Variants in RAB40B observed in about 807,000 individuals in gnomAD.
RAB40B encodes the protein RAB40B, member RAS oncogene family, also known as ras-related protein Rab-40B.
A neutral mutation model predicts 24.0 loss-of-function variants in RAB40B; 21 were observed. The ratio of observed to expected loss-of-function variants is 0.88; its 90% CI spans 0.62 to 1.26. The LOEUF (loss-of-function observed/expected upper bound fraction) is 1.26, where lower values mean the gene tolerates loss of function less well. Among genes scored for constraint, RAB40B ranks in the 50% most tolerant of loss-of-function variants. RAB40B has a pLI of 0.00. For missense variants in RAB40B, 348 were observed against 390.5 expected (o/e 0.89, Z 0.92); for synonymous variants, 167 against 169.8 (o/e 0.98, Z 0.13).
chr17:82,659,458 T>C (rs2046133062), intron 4 of RAB40B, 122 bp downstream of exon 4: 3 of 885,776 alleles, frequency 3.4e-6, no homozygotes, highest in Admixed American at 4.4e-5. Context: ...TGGAGCGCCA[T>C]CCGGTGCCCT....
intron 1 of RAB40B, among the ~76,000 whole-genome samples, chr17:82,672,319 C>T (rs545143860): frequency 0.22 from 13,128 of 60,980 alleles, 133 homozygotes; most frequent in African/African-American, 0.3. Context: ...CTGACACACC[C>T]CACCCCTGTA....
At chr17:82,693,286 C>G (rs1448816995) in intron 1 of RAB40B, among the ~76,000 whole-genome samples, 1 of 151,942 alleles carries the variant, frequency 6.6e-6, no homozygotes, top group Non-Finnish European at 1.5e-5. Flanking sequence ...GGATTGCAGA[C>G]GTGAGCCACC....
chr17:82,674,431 A>G (rs1233149149), intron 1 of RAB40B, among the ~76,000 whole-genome samples: 1 of 147,952 alleles, frequency 6.8e-6, no homozygotes, highest in East Asian at 2.0e-4. Flanking sequence ...GGAGTTCGAG[A>G]CCATCCTGGC....
At chr17:82,684,465 G>C (rs920722814) in intron 1 of RAB40B, among the ~76,000 whole-genome samples, 1 of 152,074 alleles carries the variant, frequency 6.6e-6, no homozygotes, top group African/African-American at 2.4e-5. Context: ...AAACAAGTTC[G>C]CACAAAAACG....
At chr17:82,677,655 C>T (rs559538048) in intron 1 of RAB40B, among the ~76,000 whole-genome samples, 352 of 152,354 alleles carry the variant, frequency 2.3e-3, no homozygotes, top group Admixed American at 4.1e-3. Flanking sequence ...GTCCACCACC[C>T]GTCTCCAGGG....
At chr17:82,693,132 A>T (rs11653433) in intron 1 of RAB40B, among the ~76,000 whole-genome samples, 30 of 151,908 alleles carry the variant, frequency 2.0e-4, no homozygotes. Context: ...TCTCCCGAGT[A>T]GCTGGGAATA....
chr17:82,658,113 C>A lies in RAB40B; in HGVS notation c.587G>T (p.Cys196Phe), dbSNP rs778659354. 6.2e-7 allele frequency: 1 copy of A among 1,614,118 alleles called. No individual in the cohort carries two copies. The highest frequency in any genetic ancestry group is 1.1e-5 in the South Asian group (1 of 91,080). ...CGTGCAGGACACGACCGCCCGGCAG[C>A]AGAGGTCTTGCAAGCTCAGCACTTG... ...PSKVLSLQDL[C>F]CRAVVSCTPV... is the part of the protein sequence containing the mutation. Residue 196 changes from cysteine to phenylalanine, a missense_variant, in exon 6 of 6, where the codon TGC becomes TTC. By Grantham distance (205) the Cys-to-Phe change is radical. Around this residue, in one of 3 missense-constraint regions of RAB40B, gnomAD observed 121 missense variants for 124.0 expected, o/e 0.98. Transcript: ENST00000571995.
chr17:82,696,053 AGAGACAG>A (rs144602859), intron 1 of RAB40B, among the ~76,000 whole-genome samples: 5,486 of 152,136 alleles, frequency 0.036, 335 homozygotes, highest in African/African-American at 0.12. Flanking sequence ...TATTTATAGT[AGAGACAG>A]GGTTTCTCCA....
At chr17:82,686,104 CT>C (rs35256137) in intron 1 of RAB40B, among the ~76,000 whole-genome samples, 56,572 of 123,042 alleles carry the variant, frequency 0.46, 12,145 homozygotes, top group East Asian at 0.64. Flanking sequence ...ACCCAGCCTT[CT>C]TTTTTTTTTT....
At chr17:82,683,358 A>G (rs938192202) in intron 1 of RAB40B, among the ~76,000 whole-genome samples, 1 of 152,258 alleles carries the variant, frequency 6.6e-6, no homozygotes, top group Non-Finnish European at 1.5e-5. Context: ...TTTAAAAGAT[A>G]CTAAATGGAA....
intron 1 of RAB40B, among the ~76,000 whole-genome samples, chr17:82,694,714 A>G (rs1376453126): frequency 6.6e-6 from 1 of 151,724 alleles, no homozygotes; most frequent in African/African-American, 2.4e-5. Context: ...AAGCCTCCAC[A>G]TGGGGAAAAA....
chr17:82,688,713 C>T (rs1186993889), intron 1 of RAB40B, among the ~76,000 whole-genome samples: 1 of 151,770 alleles, frequency 6.6e-6, no homozygotes, highest in Non-Finnish European at 1.5e-5. Flanking sequence ...GCAGGTGGAT[C>T]ACCTGAGGTC....
intron 4 of RAB40B, chr17:82,659,110 G>A (rs921233413): frequency 1.6e-5 from 4 of 251,382 alleles, no homozygotes; most frequent in South Asian, 6.8e-5. Context: ...CTCCAGAACC[G>A]TGAGAGAATG....
Position 82,657,916 on chromosome 17 carries a change from GGC to G in RAB40B, c.782_783del (p.Arg261ProfsTer102). On this transcript the variant is annotated frameshift_variant, in exon 6 of 6. Transcript: ENST00000571995. LOFTEE classifies it low-confidence loss of function (END_TRUNC). ...CAGTTTTTGGGGGGGCTCTGGGGGGGGCGGACGAGCTTCACTTTGCGGAGGCT... is the reference window on the plus strand; with the variant it reads ...CAGTTTTTGGGGGGGCTCTGGGGGGGGGACGAGCTTCACTTTGCGGAGGCT... ...RSSLRKVKLV[R>X]PPQSPPKNCT... 7.7e-7 allele frequency: 1 copy of G among 1,291,680 alleles called. No individual in the cohort carries two copies. 80.0% of individuals were successfully genotyped at this position (1,291,680 alleles called of 1,614,324 possible).
Position 82,657,424 on chromosome 17 carries a change from T to C in RAB40B, c.*439A>G, listed in dbSNP as rs1422126978. ...CGTTTTATAAATTGGCGCTTTGACA[T>C]TGAAAAGGAGGTTTACAAAAAGACC... On this transcript the variant is annotated 3_prime_UTR_variant, in exon 6 of 6. Coordinates refer to ENST00000571995, the MANE Select transcript of RAB40B (RefSeq NM_006822.3). 1 of 319,430 alleles carries C rather than the reference T, an allele frequency of 3.1e-6. No individual in the cohort carries two copies. The highest frequency in any genetic ancestry group is 2.2e-5 in the African/African-American group (1 of 45,852). 19.8% of individuals were successfully genotyped at this position (319,430 alleles called of 1,614,324 possible). A position where few individuals can be genotyped will look rare whatever the true frequency, so the allele number is the denominator to read the frequency against.
rs931221629 is a variant in RAB40B, at chr17:82,661,801, T to C, written c.204-754A>G. 4 of 517,450 alleles carry C rather than the reference T, an allele frequency of 7.7e-6. No individual in the cohort carries two copies. The African/African-American group carries it at 8.5e-5, about 11-fold the overall frequency. 32.1% of individuals were successfully genotyped at this position (517,450 alleles called of 1,614,324 possible). A position where few individuals can be genotyped will look rare whatever the true frequency, so the allele number is the denominator to read the frequency against. ...ACTCGGAAGGCTGAGGCAGGAGAAT[T>C]GTTTGAGCCCGGCAGGCGGAGGTTG... On this transcript the variant is annotated intron_variant, in intron 2 of 5. Transcript: ENST00000571995.
At position 82,692,633 on chromosome 17, in the gene RAB40B, C is replaced by A. The variant is rs895336798; in HGVS notation, c.142+5822G>T. ...CCGACTGAAAAAAGTGTGTCTCGAT[C>A]CCTGCCTCAGGCCTCACCCCAGCTG... is the stretch of plus-strand genomic sequence containing the variant. On this transcript the variant is annotated intron_variant, in intron 1 of 5. Transcript: ENST00000571995. This position sits in a 1 kb window ranked among gnomAD's most constrained non-coding sequence, Gnocchi z 4.0. Among the ~76,000 whole-genome samples the A allele has an allele frequency of 6.6e-6, 1 of 152,222 alleles. No individual in the cohort carries two copies. The highest frequency in any genetic ancestry group is 6.5e-5 in the Admixed American group (1 of 15,282).
chr17:82,674,856 G>A (rs907423748), intron 1 of RAB40B, among the ~76,000 whole-genome samples: 3 of 152,040 alleles, frequency 2.0e-5, no homozygotes, highest in Admixed American at 1.3e-4. Context: ...GGGCCAGGGT[G>A]TGTGCAGGGA....
At position 82,657,898 on chromosome 17, in the gene RAB40B, T is replaced by A. The variant is rs763069326; in HGVS notation, c.802A>T (p.Lys268Ter). 2.2e-6 allele frequency: 1 copy of A among 462,686 alleles called. No homozygotes were observed. Among genetic ancestry groups the A allele is most frequent in the Admixed American group, 4.1e-5 (1 of 24,122 alleles). 28.7% of individuals were successfully genotyped at this position (462,686 alleles called of 1,614,324 possible). A position where few individuals can be genotyped will look rare whatever the true frequency, so the allele number is the denominator to read the frequency against. The part of the protein sequence containing the change: ...KLVRPPQSPP[K>*]NCTRNSCKIS The stretch of plus-strand genomic sequence containing the variant: ...TTGCAGCTGTTTCTGGTGCAGTTTT[T>A]GGGGGGGCTCTGGGGGGGGCGGACG... The change falls in exon 6 of 6, where the codon AAA becomes TAA. Residue 268 changes from lysine to a stop codon, truncating the protein, a stop_gained. Transcript: ENST00000571995. LOFTEE classifies it low-confidence loss of function (END_TRUNC).
Sources: allele counts gnomAD v4.1 joint callset (sites outside exome capture counted in the v4.1 genomes callset), GRCh38; gene constraint gnomAD v4.1.1; regional missense constraint gnomAD v4.1.1; non-coding constraint Gnocchi (gnomAD v3.1); transcripts MANE v1.5; gene names NCBI Gene and HGNC (gene_info 2026-07-23, HGNC 2026-07-21).